The following CSNK1G2 variants were observed in gnomAD, a reference collection of about 807,000 sequenced individuals.
CSNK1G2 encodes casein kinase 1 gamma 2, also known as casein kinase I isoform gamma-2.
CSNK1G2 carries 11 observed loss-of-function variants against 48.0 expected under a neutral mutation model. The ratio of observed to expected loss-of-function variants is 0.23; its 90% confidence interval spans 0.14 to 0.38. The LOEUF is 0.38. Ranked by LOEUF, CSNK1G2 falls within the 10% of genes least tolerant of loss-of-function variation. CSNK1G2 has a pLI of 1.00. For synonymous variants in CSNK1G2, 337 were observed against 254.1 expected (o/e 1.33, Z -3.10); for missense variants, 446 against 595.5 (o/e 0.75, Z 2.61).
At chr19:1,949,847 C>T (rs1465351491) in intron 1 of CSNK1G2, among the ~76,000 whole-genome samples, 3 of 152,246 alleles carry the variant, frequency 2.0e-5, no homozygotes, top group African/African-American at 7.2e-5. Context: ...ACCCTGCTGT[C>T]CTGATCCCCA....
chr19:1,953,757 T>C, intron 1 of CSNK1G2: 1 of 434,502 alleles, frequency 2.3e-6, no homozygotes, highest in Non-Finnish European at 4.8e-6. Flanking sequence ...CAGCTGCCAT[T>C]GTGCAGCCTT....
At position 1,980,375 on chromosome 19, in the gene CSNK1G2, G is replaced by A. The variant is rs1247474618; in HGVS notation, c.*172G>A. ...TCAGGCGGCCCCACCCCCGGGACGTGGGGTCACTTCCTTCATGTAAGACTT... is the reference window on the plus strand; with the variant it reads ...TCAGGCGGCCCCACCCCCGGGACGTAGGGTCACTTCCTTCATGTAAGACTT... On this transcript the variant is annotated 3_prime_UTR_variant, in exon 12 of 12. Coordinates refer to ENST00000255641, the MANE Select transcript of CSNK1G2 (RefSeq NM_001319.7). The A allele has an allele frequency of 2.7e-6, 2 of 751,408 alleles. No homozygotes were observed. The highest frequency in any genetic ancestry group is 2.6e-5 in the East Asian group (1 of 38,270). 46.5% of individuals were successfully genotyped at this position (751,408 alleles called of 1,614,324 possible).
chr19:1,957,092 G>A lies in CSNK1G2; in HGVS notation c.-265-12416G>A, dbSNP rs929261658. ...GCTTAAACGGTGCCACCCGGAGATT[G>A]GTGGGCGGGATTGGGCCTCTGGGGT... On this transcript the variant is annotated intron_variant, in intron 1 of 11. Coordinates refer to ENST00000255641, the MANE Select transcript of CSNK1G2 (RefSeq NM_001319.7). The surrounding 1 kb of genome is among the most constrained non-coding windows in gnomAD (Gnocchi z 5.4). Among the ~76,000 whole-genome samples, 5 of 152,180 alleles carry A rather than the reference G, an allele frequency of 3.3e-5. No homozygotes were observed. Among genetic ancestry groups the A allele is most frequent in the African/African-American group, 1.2e-4 (5 of 41,446 alleles).
intron 1 of CSNK1G2, among the ~76,000 whole-genome samples, chr19:1,967,089 A>C (rs552880024): frequency 5.0e-4 from 76 of 152,064 alleles, no homozygotes; most frequent in Non-Finnish European, 9.1e-4. Flanking sequence ...TTCCTAGACC[A>C]CGGTATACTG....
At position 1,978,165 on chromosome 19, in the gene CSNK1G2, G is replaced by GC. The variant is rs1279781202; in HGVS notation, c.188-137dup. The GC allele has an allele frequency of 1.8e-5, 15 of 851,180 alleles. No individual in the cohort carries two copies. The Admixed American group carries it at 2.9e-4, about 17-fold the overall frequency. The allele number at this position is 851,180 out of a possible 1,614,324, so 52.7% of individuals were successfully genotyped here. ...CAGTGCTCTGGCAGGCTGGGCCCAG[G>GC]CCCTGCTGCTGGGCAGTGGTGTCAT... On this transcript the variant is annotated intron_variant, in intron 2 of 11. Transcript: ENST00000255641. The surrounding 1 kb of genome is among the most constrained non-coding windows in gnomAD (Gnocchi z 7.3).
intron 1 of CSNK1G2, chr19:1,953,991 C>G (rs1255346768): frequency 3.7e-6 from 2 of 533,828 alleles, no homozygotes; most frequent in Non-Finnish European, 7.7e-6. Flanking sequence ...TGACAGTCGC[C>G]CTTGGTCTGG....
chr19:1,963,253 T>G (rs2079474735), intron 1 of CSNK1G2, among the ~76,000 whole-genome samples: 1 of 152,140 alleles, frequency 6.6e-6, no homozygotes, highest in Non-Finnish European at 1.5e-5. Flanking sequence ...TGTTTGTTTT[T>G]GTTTTGTTTT....
Position 1,979,529 on chromosome 19 carries a change from C to T in CSNK1G2, c.888C>T (p.Arg296=). 6.2e-7 allele frequency: 1 copy of T among 1,602,696 alleles called. No homozygotes were observed. The highest frequency in any genetic ancestry group is 8.5e-7 in the Non-Finnish European group (1 of 1,176,792). ...EMATYLRYVR[R]LDFFEKPDYD... The stretch of plus-strand genomic sequence containing the variant: ...CCACGTACCTGCGCTATGTGCGGCG[C>T]CTGGACTTCTTCGAGAAGCCCGACT... The change falls in exon 9 of 12, where the codon CGC becomes CGT. Residue 296 remains arginine, a synonymous_variant. Transcript: ENST00000255641.
intron 1 of CSNK1G2, among the ~76,000 whole-genome samples, chr19:1,945,444 C>A (rs1051675269): frequency 2.0e-5 from 3 of 152,240 alleles, no homozygotes; most frequent in Admixed American, 2.0e-4. Flanking sequence ...TCCCTCCTGT[C>A]ACCCTCAGGC....
At position 1,979,260 on chromosome 19, in the gene CSNK1G2, G is replaced by C; in HGVS notation, c.768+12G>C. 1 of 1,563,126 alleles carries C rather than the reference G, an allele frequency of 6.4e-7. No homozygotes were observed. The highest frequency in any genetic ancestry group is 8.7e-7 in the Non-Finnish European group (1 of 1,154,614). ...GGCAGGGGCTCAAGGTGGGCGAGGA[G>C]GCCGGGCAGGCGGGCGGGGACGCAG... On this transcript the variant is annotated intron_variant, in intron 7 of 11. Coordinates refer to ENST00000255641, the MANE Select transcript of CSNK1G2 (RefSeq NM_001319.7).
chr19:1,959,889 C>T (rs375877681), intron 1 of CSNK1G2, among the ~76,000 whole-genome samples: 1 of 150,764 alleles, frequency 6.6e-6, no homozygotes, highest in East Asian at 2.0e-4. Flanking sequence ...CAGCACCCGC[C>T]CCACCTTTAG....
At chr19:1,951,443 G>A (rs948986354) in intron 1 of CSNK1G2, among the ~76,000 whole-genome samples, 6 of 144,930 alleles carry the variant, frequency 4.1e-5, no homozygotes, top group Non-Finnish European at 9.0e-5. Flanking sequence ...GGCCTGCTGG[G>A]ACCGTTTGAT....
chr19:1,978,950 G>A lies in CSNK1G2; in HGVS notation c.539G>A (p.Arg180Gln), dbSNP rs745805274. ...NFLVGRPGTK[R>Q]QHAIHIIDFG... ...CTGGTGGGCCGCCCGGGGACCAAGC[G>A]GCAGCATGCCATCCACATCATCGAC... Residue 180 changes from arginine (R) to glutamine (Q), a missense_variant, in exon 6 of 12, where the codon CGG becomes CAG. Physicochemically the swap from Arg to Gln is conservative, Grantham distance 43. Transcript: ENST00000255641. The surrounding 1 kb of genome is among the most constrained non-coding windows in gnomAD (Gnocchi z 7.3). The A allele has an allele frequency of 5.6e-6, 9 of 1,601,228 alleles. No individual in the cohort carries two copies. Among genetic ancestry groups the A allele is most frequent in the African/African-American group, 1.3e-5 (1 of 74,856 alleles).
chr19:1,942,025 G>A (rs922135405), intron 1 of CSNK1G2, among the ~76,000 whole-genome samples: 1 of 152,038 alleles, frequency 6.6e-6, no homozygotes, highest in African/African-American at 2.4e-5. Context: ...TCCTCACTTT[G>A]TGGTCCTAAA....
At chr19:1,954,127 C>T (rs201081323) in intron 1 of CSNK1G2, 11 of 446,810 alleles carry the variant, frequency 2.5e-5, no homozygotes, top group Non-Finnish European at 4.1e-5. Context: ...GCACCTGATG[C>T]GTTAAACCCA....
At chr19:1,979,437 C>A in intron 8 of CSNK1G2, 34 bp downstream of exon 8, 1 of 1,221,266 alleles carries the variant, frequency 8.2e-7, no homozygotes, top group Non-Finnish European at 1.1e-6. Flanking sequence ...CCTGTGCCCC[C>A]CACCCCCCAC....
chr19:1,947,976 G>A (rs1305145353), intron 1 of CSNK1G2, among the ~76,000 whole-genome samples: 1 of 150,346 alleles, frequency 6.7e-6, no homozygotes, highest in Non-Finnish European at 1.5e-5. Context: ...TCGTGCCCGG[G>A]CACTGGCCTC....
At chr19:1,964,503 C>T (rs2015302462) in intron 1 of CSNK1G2, among the ~76,000 whole-genome samples, 1 of 152,102 alleles carries the variant, frequency 6.6e-6, no homozygotes, top group South Asian at 2.1e-4. Context: ...GGCCCACCCT[C>T]TTCACCCTCT....
rs758389451 is a variant in CSNK1G2 at position 1,979,104 on chromosome 19, C to T, written c.682+11C>T. 2.5e-5 allele frequency: 40 copies of T among 1,583,614 alleles called. 1 individual carries two copies. Among genetic ancestry groups the T allele is most frequent in the Middle Eastern group, 1.7e-4 (1 of 6,002 alleles). On this transcript the variant is annotated intron_variant, in intron 6 of 11. Transcript: ENST00000255641. The stretch of plus-strand genomic sequence containing the variant: ...CGCACCTGGGCAAGGGTGAGCTGCG[C>T]GCGCGCGGCGGGGGGCGGGCGCCCG...
Sources: gnomAD v4.1 joint callset for allele counts (sites outside exome capture counted in the v4.1 genomes callset) on GRCh38, gnomAD v4.1.1 for gene constraint, Gnocchi (gnomAD v3.1) non-coding constraint, MANE v1.5 for transcripts, NCBI Gene and HGNC (gene_info 2026-07-23, HGNC 2026-07-21) for gene names.